SLC60A2: variants seen among roughly 807,000 people sequenced by gnomAD.
The protein encoded by SLC60A2 is major facilitator superfamily domain containing 4B.
At chr6:111,278,063 C>G in the SLC60A2 span, 1 of 152,134 alleles carries the variant, frequency 6.6e-6, no homozygotes, top group Non-Finnish European at 1.5e-5. Context: ...AATCTTTACC[C>G]TTGTTGAAGA....
At chr6:111,274,131 C>T in the SLC60A2 span, among the ~76,000 whole-genome samples, 5 of 152,182 alleles carry the variant, frequency 3.3e-5, no homozygotes, top group East Asian at 9.6e-4. Context: ...ACTGGGATTA[C>T]AGGTGTGAGA....
At chr6:111,277,740 AG>A in the SLC60A2 span, among the ~76,000 whole-genome samples, 3 of 152,216 alleles carry the variant, frequency 2.0e-5, no homozygotes, top group Admixed American at 2.0e-4. Context: ...GTTCATTTCT[AG>A]TACTTGTCTA....
chr6:111,276,790 C>T, the SLC60A2 span, among the ~76,000 whole-genome samples: 1 of 152,356 alleles, frequency 6.6e-6, no homozygotes, highest in Admixed American at 6.5e-5. Context: ...CTCTGCCTCT[C>T]TCACAGCAGT....
chr6:111,276,236 G>A, the SLC60A2 span, among the ~76,000 whole-genome samples: 101,975 of 152,116 alleles, frequency 0.67, 37,602 homozygotes, highest in Non-Finnish European at 0.82. Flanking sequence ...GAATGTGGGT[G>A]TACAACTGTG....
At chr6:111,266,885 T>G in the SLC60A2 span, 2 of 1,613,944 alleles carry the variant, frequency 1.2e-6, no homozygotes, top group South Asian at 1.1e-5. Context: ...AGGAAGAGAA[T>G]GAAGAGGAGG....
the SLC60A2 span, among the ~76,000 whole-genome samples, chr6:111,276,226 G>A: frequency 6.6e-6 from 1 of 152,202 alleles, no homozygotes; most frequent in Admixed American, 6.5e-5. Context: ...ACGCTGCTGT[G>A]AATGTGGGTG....
the SLC60A2 span, chr6:111,270,433 A>G: frequency 1.3e-5 from 2 of 152,238 alleles, no homozygotes; most frequent in Non-Finnish European, 2.9e-5. Flanking sequence ...CTGTAATCCC[A>G]GCTACTCAGG....
the SLC60A2 span, chr6:111,266,799 G>A: frequency 6.2e-7 from 1 of 1,613,928 alleles, no homozygotes; most frequent in South Asian, 1.1e-5. Context: ...TTCACCTCTT[G>A]ATCGCCAGCG....
At chr6:111,270,207 C>T in the SLC60A2 span, 4 of 152,246 alleles carry the variant, frequency 2.6e-5, no homozygotes, top group Admixed American at 6.5e-5. Flanking sequence ...TATGACATTA[C>T]GTCATTATGG....
the SLC60A2 span, among the ~76,000 whole-genome samples, chr6:111,278,945 C>T: frequency 6.6e-6 from 1 of 152,204 alleles, no homozygotes; most frequent in South Asian, 2.1e-4. Context: ...AAGTGATTAA[C>T]CTTTGCTCCA....
At chr6:111,260,292 A>G in the SLC60A2 span, among the ~76,000 whole-genome samples, 5 of 152,122 alleles carry the variant, frequency 3.3e-5, no homozygotes, top group African/African-American at 4.8e-5. Context: ...TGCTCTCCGC[A>G]CCCACCCACT....
At chr6:111,260,011 A>G in the SLC60A2 span, among the ~76,000 whole-genome samples, 1 of 150,794 alleles carries the variant, frequency 6.6e-6, no homozygotes, top group Admixed American at 6.6e-5. Flanking sequence ...CCAGGGTTCA[A>G]GCGATTCTCC....
chr6:111,259,836 A>G, the SLC60A2 span: 6 of 916,492 alleles, frequency 6.5e-6, no homozygotes, highest in Admixed American at 9.7e-5. Flanking sequence ...CCTCAGTTTC[A>G]TCATCTAGAA....
At chr6:111,259,911 C>CTTTTTTTTTTT in the SLC60A2 span, among the ~76,000 whole-genome samples, 1 of 121,188 alleles carries the variant, frequency 8.3e-6, no homozygotes, top group African/African-American at 3.2e-5. Context: ...CTCCAGCAAG[C>CTTTTTTTTTTT]TTTTTTTTTT....
the SLC60A2 span, chr6:111,262,270 C>G: frequency 6.2e-7 from 1 of 1,613,472 alleles, no homozygotes; most frequent in South Asian, 1.1e-5. Context: ...TTGAGTGTTG[C>G]TATAGTGGGA....
At chr6:111,274,064 C>T in the SLC60A2 span, among the ~76,000 whole-genome samples, 1 of 152,074 alleles carries the variant, frequency 6.6e-6, no homozygotes, top group South Asian at 2.1e-4. Flanking sequence ...CTATGTTGCG[C>T]AGGCTGGTCT....
chr6:111,275,882 G>GT, the SLC60A2 span, among the ~76,000 whole-genome samples: 6 of 152,090 alleles, frequency 3.9e-5, no homozygotes, highest in African/African-American at 1.4e-4. Context: ...TCCACAGAAC[G>GT]TTTTTTACCT....
chr6:111,265,600 G>A, the SLC60A2 span, among the ~76,000 whole-genome samples: 5 of 152,044 alleles, frequency 3.3e-5, no homozygotes, highest in Middle Eastern at 6.8e-3. Context: ...TATAAAAAGC[G>A]TCTTGCTAAT....
chr6:111,270,635 A>T, the SLC60A2 span: 1 of 152,118 alleles, frequency 6.6e-6, no homozygotes, highest in Non-Finnish European at 1.5e-5. Flanking sequence ...AGGTCAGGAG[A>T]TCAAGACCAT....
Sources: gnomAD v4.1 joint callset for allele counts (sites outside exome capture counted in the v4.1 genomes callset) on GRCh38, gnomAD v4.1.1 for gene constraint, MANE v1.5 for transcripts, NCBI Gene and HGNC (gene_info 2026-07-23, HGNC 2026-07-21) for gene names.